Variants in CNN3 observed in about 807,000 individuals in gnomAD.
The protein encoded by CNN3 is calponin 3.
Under a neutral mutation model 39.0 loss-of-function variants are expected in CNN3, and 11 were observed. The observed-to-expected ratio is 0.28, with a 90% CI of 0.18 to 0.47. The LOEUF is 0.47. CNN3 is among the 20% of genes least tolerant of loss of function. The pLI, the probability that CNN3 is intolerant of heterozygous loss-of-function variation, is 0.99. For synonymous variants in CNN3, 101 were observed against 138.3 expected (o/e 0.73, Z 1.89); for missense variants, 266 against 403.4 (o/e 0.66, Z 2.92).
Position 94,903,507 on chromosome 1 carries a change from A to G in CNN3, c.75T>C (p.Asp25=). ...TGCGAAGATCTTCTTCTGCCTGATG[A>G]TCATACTTGGAAGCAATCTGAAATA... is the stretch of plus-strand genomic sequence containing the variant. The part of the protein sequence containing the change: ...EVKNKIASKY[D]HQAEEDLRNW... Residue 25 remains aspartate (D), a synonymous_variant, in exon 2 of 7, where the codon GAT becomes GAC. Transcript: ENST00000370206. 3 of 1,614,020 alleles carry G rather than the reference A, an allele frequency of 1.9e-6. No homozygotes were observed. The highest frequency in any genetic ancestry group is 2.5e-6 in the Non-Finnish European group (3 of 1,179,970).
chr1:94,907,725 TGGC>T (rs886436126), intron 1 of CNN3, among the ~76,000 whole-genome samples: 5 of 152,268 alleles, frequency 3.3e-5, no homozygotes, highest in African/African-American at 9.6e-5. Flanking sequence ...ACGGGTGTGG[TGGC>T]GGGCGCCTGT....
At chr1:94,918,082 T>A (rs900738723) in intron 1 of CNN3, among the ~76,000 whole-genome samples, 19 of 152,242 alleles carry the variant, frequency 1.2e-4, no homozygotes, top group African/African-American at 4.3e-4. Context: ...ATGCTTAGAC[T>A]CTGGCTTAAC....
intron 1 of CNN3, among the ~76,000 whole-genome samples, chr1:94,912,186 T>C (rs1671183613): frequency 1.3e-5 from 2 of 152,234 alleles, no homozygotes; most frequent in South Asian, 2.1e-4. Context: ...CTTCTCTGTC[T>C]AGAAAATGAC....
chr1:94,900,322 T>C (rs1390912812), intron 5 of CNN3, among the ~76,000 whole-genome samples: 2 of 152,212 alleles, frequency 1.3e-5, no homozygotes, highest in African/African-American at 2.4e-5. Context: ...GATACCACCA[T>C]CCATTCACTG....
chr1:94,912,537 G>A (rs1043496855), intron 1 of CNN3, among the ~76,000 whole-genome samples: 1 of 152,104 alleles, frequency 6.6e-6, no homozygotes, highest in African/African-American at 2.4e-5. Context: ...CCATCACCAA[G>A]GCTGCATGGA....
At position 94,926,556 on chromosome 1, in the gene CNN3, G is replaced by C. The variant is rs1671588482; in HGVS notation, c.57+282C>G. 6.6e-6 allele frequency among the ~76,000 whole-genome samples: 1 copy of C among 152,130 alleles called. No homozygotes were observed. The highest frequency in any genetic ancestry group is 2.1e-4 in the South Asian group (1 of 4,820). ...ACGGCCCCCGAGACCCCCGCAGCCG[G>C]AAAGGCTGGCGCCGCGGGACTCCAG... is the stretch of plus-strand genomic sequence containing the variant. On this transcript the variant is annotated intron_variant, in intron 1 of 6. Coordinates refer to ENST00000370206, the MANE Select transcript of CNN3 (RefSeq NM_001839.5). This position sits in a 1 kb window ranked among gnomAD's most constrained non-coding sequence, Gnocchi z 4.2.
At chr1:94,901,395 TC>T (rs1670862213) in intron 5 of CNN3, among the ~76,000 whole-genome samples, 1 of 149,506 alleles carries the variant, frequency 6.7e-6, no homozygotes, top group Non-Finnish European at 1.5e-5. Flanking sequence ...AGTGTATTTT[TC>T]TTTTTTAAAA....
chr1:94,899,803 C>T (rs1314901088), intron 5 of CNN3, among the ~76,000 whole-genome samples: 4 of 152,200 alleles, frequency 2.6e-5, no homozygotes, highest in African/African-American at 9.6e-5. Context: ...AGAATAATTT[C>T]CTCTGCTACT....
At chr1:94,918,507 TA>T (rs1671351393) in intron 1 of CNN3, among the ~76,000 whole-genome samples, 1 of 74,174 alleles carries the variant, frequency 1.3e-5, no homozygotes, top group African/African-American at 4.4e-5. Flanking sequence ...AAAAATAAAA[TA>T]AAAAAAAAAA....
At position 94,898,098 on chromosome 1, in the gene CNN3, T is replaced by G; in HGVS notation, c.649-15A>C. 2 of 1,605,290 alleles carry G rather than the reference T, an allele frequency of 1.2e-6. No individual in the cohort carries two copies. The highest frequency in any genetic ancestry group is 1.7e-6 in the Non-Finnish European group (2 of 1,174,322). ...AACATCCCTGCCTGGTATTAGAACATAGTATAAAAGTTAAAACAGCAGCTA... is the reference window on the plus strand; with the variant it reads ...AACATCCCTGCCTGGTATTAGAACAGAGTATAAAAGTTAAAACAGCAGCTA... On this transcript the variant is annotated splice_polypyrimidine_tract_variant and intron_variant, in intron 6 of 6. Transcript: ENST00000370206.
chr1:94,917,092 A>C (rs1484650947), intron 1 of CNN3, among the ~76,000 whole-genome samples: 1 of 152,142 alleles, frequency 6.6e-6, no homozygotes, highest in African/African-American at 2.4e-5. Flanking sequence ...GCTGGATTGC[A>C]ATGGCGCGAT....
intron 1 of CNN3, among the ~76,000 whole-genome samples, chr1:94,915,294 C>G (rs1174539510): frequency 1.3e-5 from 2 of 152,162 alleles, no homozygotes; most frequent in South Asian, 2.1e-4. Context: ...AAATGCCACC[C>G]AAAGATAGGC....
At chr1:94,911,297 GAAGTA>G (rs1325913668) in intron 1 of CNN3, among the ~76,000 whole-genome samples, 2 of 152,164 alleles carry the variant, frequency 1.3e-5, no homozygotes, top group African/African-American at 2.4e-5. Context: ...CAGGTAAACA[GAAGTA>G]AAGTCCAGGA....
At chr1:94,917,269 C>T (rs1206145095) in intron 1 of CNN3, among the ~76,000 whole-genome samples, 2 of 152,190 alleles carry the variant, frequency 1.3e-5, no homozygotes, top group Non-Finnish European at 2.9e-5. Flanking sequence ...CTCCCGACCT[C>T]AGTTGATCCG....
chr1:94,927,104 C>G lies in CNN3; in HGVS notation c.-210G>C. 4.1e-6 allele frequency: 2 copies of G among 491,274 alleles called. No individual in the cohort carries two copies. The highest frequency in any genetic ancestry group is 7.2e-5 in the East Asian group (2 of 27,840). 30.4% of individuals were successfully genotyped at this position (491,274 alleles called of 1,614,324 possible). A position where few individuals can be genotyped will look rare whatever the true frequency, so the allele number is the denominator to read the frequency against. Reference sequence around the variant, plus strand: ...GAGCCTCGAGCTCCGCTGCGAAGCACCCGGCTGCCTCGCTCGCCGCCCGCA... The same window carrying G: ...GAGCCTCGAGCTCCGCTGCGAAGCAGCCGGCTGCCTCGCTCGCCGCCCGCA... On this transcript the variant is annotated 5_prime_UTR_variant, in exon 1 of 7. Transcript: ENST00000370206.
intron 1 of CNN3, among the ~76,000 whole-genome samples, chr1:94,904,866 A>G (rs1220650296): frequency 6.6e-6 from 1 of 152,198 alleles, no homozygotes. Flanking sequence ...CAGGAGATAG[A>G]GATCATGAGC....
intron 1 of CNN3, among the ~76,000 whole-genome samples, chr1:94,905,843 G>A (rs12029163): frequency 0.055 from 8,427 of 152,038 alleles, 312 homozygotes; most frequent in Middle Eastern, 0.096. Context: ...TTACAGGCAT[G>A]AGCCACCACC....
intron 1 of CNN3, among the ~76,000 whole-genome samples, chr1:94,914,514 A>G (rs1671236389): frequency 6.6e-6 from 1 of 152,136 alleles, no homozygotes; most frequent in Non-Finnish European, 1.5e-5. Flanking sequence ...CCCAAAACTG[A>G]GTCGAAACAC....
chr1:94,907,662 C>A (rs1165763434), intron 1 of CNN3, among the ~76,000 whole-genome samples: 1 of 152,140 alleles, frequency 6.6e-6, no homozygotes, highest in Admixed American at 6.5e-5. Context: ...AGATCAAGAC[C>A]ATCCTGGCTA....
Sources: gnomAD v4.1 joint callset for allele counts (sites outside exome capture counted in the v4.1 genomes callset) on GRCh38, gnomAD v4.1.1 for gene constraint, Gnocchi (gnomAD v3.1) non-coding constraint, MANE v1.5 for transcripts, NCBI Gene and HGNC (gene_info 2026-07-23, HGNC 2026-07-21) for gene names.